The following CHODL variants were observed in gnomAD, a reference collection of about 807,000 sequenced individuals.
The protein encoded by CHODL is chondrolectin.
A neutral mutation model predicts 34.5 loss-of-function variants in CHODL; 29 were observed. The observed-to-expected ratio is 0.84, with a 90% confidence interval of 0.63 to 1.15. CHODL has a LOEUF of 1.15. Among genes scored for constraint, CHODL ranks in the 50% most tolerant of loss-of-function variants. The pLI is 0.00. For missense variants in CHODL, 332 were observed against 332.5 expected (o/e 1.00, Z 0.01); for synonymous variants, 125 against 116.1 (o/e 1.08, Z -0.49).
intron 1 of CHODL, among the ~76,000 whole-genome samples, chr21:17,953,054 G>A (rs1351641608): frequency 1.3e-5 from 2 of 152,056 alleles, no homozygotes; most frequent in African/African-American, 4.8e-5. Context: ...GACACATGGG[G>A]ATTACAATTT....
At chr21:18,148,554 A>G (rs1320314742) in intron 2 of CHODL, among the ~76,000 whole-genome samples, 1 of 152,144 alleles carries the variant, frequency 6.6e-6, no homozygotes, top group Non-Finnish European at 1.5e-5. Context: ...TTAGAAATGG[A>G]TACAGTACAA....
chr21:18,022,458 G>A (rs1423247509), intron 1 of CHODL: 2 of 152,308 alleles, frequency 1.3e-5, no homozygotes, highest in South Asian at 2.1e-4. Context: ...AATGGGACAA[G>A]TTTTCAAATA....
chr21:17,974,885 A>G (rs553577494), intron 1 of CHODL, among the ~76,000 whole-genome samples: 4 of 149,750 alleles, frequency 2.7e-5, no homozygotes, highest in Admixed American at 6.7e-5. Context: ...AATTTTATAA[A>G]AAGACATTAA....
chr21:18,118,143 G>A (rs76624332), intron 2 of CHODL, among the ~76,000 whole-genome samples: 80 of 152,254 alleles, frequency 5.3e-4, no homozygotes, highest in African/African-American at 1.6e-3. Context: ...GATTTAACTG[G>A]TTTTTTAAAA....
At chr21:18,002,286 G>C (rs1172144830) in intron 1 of CHODL, among the ~76,000 whole-genome samples, 2 of 152,066 alleles carry the variant, frequency 1.3e-5, no homozygotes, top group Non-Finnish European at 2.9e-5. Flanking sequence ...AATTATATTT[G>C]CAAGCTGCTA....
chr21:17,964,861 C>T (rs544481310), intron 1 of CHODL, among the ~76,000 whole-genome samples: 1 of 152,268 alleles, frequency 6.6e-6, no homozygotes, highest in Non-Finnish European at 1.5e-5. Flanking sequence ...ATATGTGTCA[C>T]AGTGCCACAG....
At chr21:18,087,019 C>G (rs1012653580) in intron 2 of CHODL, among the ~76,000 whole-genome samples, 1 of 152,126 alleles carries the variant, frequency 6.6e-6, no homozygotes, top group African/African-American at 2.4e-5. Context: ...GAGCTAGTCC[C>G]CAATCCTACA....
chr21:17,990,183 A>C (rs1437031671), intron 1 of CHODL, among the ~76,000 whole-genome samples: 1 of 151,988 alleles, frequency 6.6e-6, no homozygotes, highest in Non-Finnish European at 1.5e-5. Context: ...AATATATTAA[A>C]ATATAAAAAC....
intron 1 of CHODL, among the ~76,000 whole-genome samples, chr21:18,016,113 A>G (rs996958173): frequency 6.6e-6 from 1 of 152,216 alleles, no homozygotes; most frequent in African/African-American, 2.4e-5. Flanking sequence ...GGCCAAGACA[A>G]TGGGGAAAAT....
In CHODL at chr21:18,237,298, T is replaced by C. The variant is rs554996274; in HGVS notation, c.-44-19211T>C. Among the ~76,000 whole-genome samples the C allele has an allele frequency of 7.2e-5, 11 of 152,214 alleles. No individual in the cohort carries two copies. In the South Asian group the frequency reaches 2.1e-3, roughly 29 times the overall value. On this transcript the variant is annotated intron_variant, in intron 2 of 6. Coordinates refer to the CHODL transcript ENST00000400127. Reference sequence around the variant, plus strand: ...TAGGAATATACATCTGAATTTTGCATTTATCTCCACTCTCAGAAGAAATTA... The same window carrying C: ...TAGGAATATACATCTGAATTTTGCACTTATCTCCACTCTCAGAAGAAATTA...
intron 2 of CHODL, among the ~76,000 whole-genome samples, chr21:18,166,432 C>T (rs1310692214): frequency 6.6e-6 from 1 of 152,002 alleles, no homozygotes; most frequent in Non-Finnish European, 1.5e-5. Flanking sequence ...GGGAGTGATA[C>T]CCCTTATCAT....
intron 2 of CHODL, among the ~76,000 whole-genome samples, chr21:18,131,682 C>T (rs912728167): frequency 2.0e-5 from 3 of 152,078 alleles, no homozygotes; most frequent in Admixed American, 1.3e-4. Flanking sequence ...TATATCATTC[C>T]TGGGTATGCC....
chr21:17,977,032 A>T (rs1600850660), intron 1 of CHODL, among the ~76,000 whole-genome samples: 1 of 152,208 alleles, frequency 6.6e-6, no homozygotes, highest in African/African-American at 2.4e-5. Context: ...CTGGGGTTGC[A>T]AGCTCCATAA....
Position 17,918,654 on chromosome 21 carries a change from AC to A in CHODL, c.-145+1258del, listed in dbSNP as rs770328077. On this transcript the variant is annotated intron_variant, in intron 1 of 6. Transcript: ENST00000400127. The stretch of plus-strand genomic sequence containing the variant: ...GGACACAGACAAAGCATATCATTCT[AC>A]CCCAGCCCCTCCCAAATCTCATGTC... Among the ~76,000 whole-genome samples the A allele has an allele frequency of 3.5e-4, 53 of 152,202 alleles. No individual in the cohort carries two copies. The South Asian group carries it at 9.1e-3, about 26-fold the overall frequency.
chr21:18,003,386 ATTATT>A (rs139590869), intron 1 of CHODL, among the ~76,000 whole-genome samples: 46,663 of 148,296 alleles, frequency 0.31, 8,625 homozygotes, highest in Non-Finnish European at 0.43. Context: ...AATATATTAC[ATTATT>A]TTATTTTATT....
rs181935438 is a variant in CHODL, at chr21:18,017,485, T to A, written c.-144-10387T>A. On this transcript the variant is annotated intron_variant, in intron 1 of 6. Transcript: ENST00000400127. The stretch of plus-strand genomic sequence containing the variant: ...CTTGGCTCAAAGAACCCCAGAGACA[T>A]CTCAGGCTGACGCTTCAGAGGGCAT... Among the ~76,000 whole-genome samples, 221 of 152,320 alleles carry A rather than the reference T, an allele frequency of 1.5e-3. 1 individual carries two copies. The highest frequency in any genetic ancestry group is 4.9e-3 in the African/African-American group (203 of 41,586).
intron 2 of CHODL, among the ~76,000 whole-genome samples, chr21:18,049,537 T>G (rs1033857600): frequency 1.3e-5 from 2 of 151,946 alleles, no homozygotes; most frequent in Non-Finnish European, 2.9e-5. Flanking sequence ...TACCAGAGAC[T>G]GTGTAGTTTA....
At chr21:18,038,435 GAC>G (rs1365873123) in intron 2 of CHODL, among the ~76,000 whole-genome samples, 1 of 151,694 alleles carries the variant, frequency 6.6e-6, no homozygotes, top group East Asian at 1.9e-4. Flanking sequence ...TACACAATTT[GAC>G]ACGAATTCAG....
chr21:18,164,370 C>T (rs2073129952), intron 2 of CHODL, among the ~76,000 whole-genome samples: 1 of 152,152 alleles, frequency 6.6e-6, no homozygotes, highest in South Asian at 2.1e-4. Flanking sequence ...AAAATAACTA[C>T]AATATAAGTA....
Sources: gnomAD v4.1 joint callset for allele counts (sites outside exome capture counted in the v4.1 genomes callset) on GRCh38, gnomAD v4.1.1 for gene constraint, MANE v1.5 for transcripts, NCBI Gene and HGNC (gene_info 2026-07-23, HGNC 2026-07-21) for gene names.